Variants in RBFOX1 observed in about 807,000 individuals in gnomAD.
The protein encoded by RBFOX1 is RNA binding fox-1 homolog 1.
RBFOX1 carries 8 observed loss-of-function variants against 57.7 expected under a neutral mutation model. That is an observed-to-expected ratio of 0.14 (90% CI 0.08 to 0.25). The LOEUF is 0.25. Ranked by LOEUF, RBFOX1 falls within the 10% of genes least tolerant of loss-of-function variation. RBFOX1 has a pLI of 1.00. For synonymous variants in RBFOX1, 326 were observed against 222.4 expected, an observed-to-expected ratio of 1.47 and a Z score of -4.15; for missense variants, 611 against 548.5, an observed-to-expected ratio of 1.11 and a Z score of -1.14.
chr16:7,504,149 A>G (rs886995217), intron 4 of RBFOX1, among the ~76,000 whole-genome samples: 7 of 152,180 alleles, frequency 4.6e-5, no homozygotes, highest in African/African-American at 1.7e-4. Flanking sequence ...TCATGGAACC[A>G]TCATGACCTG....
intron 4 of RBFOX1, among the ~76,000 whole-genome samples, chr16:7,388,152 A>T (rs555191490): frequency 2.8e-4 from 42 of 152,302 alleles, no homozygotes; most frequent in African/African-American, 9.9e-4. Context: ...AAATAGCAGG[A>T]AACTGATCTC....
At chr16:7,186,376 A>G (rs62637737) in intron 4 of RBFOX1, among the ~76,000 whole-genome samples, 35 of 49,428 alleles carry the variant, frequency 7.1e-4, no homozygotes, top group African/African-American at 3.6e-3. Context: ...ATAAATATAA[A>G]CATAAACATA....
chr16:5,616,954 C>G (rs990833648), intron 3 of RBFOX1, among the ~76,000 whole-genome samples: 3 of 141,588 alleles, frequency 2.1e-5, no homozygotes, highest in Non-Finnish European at 1.5e-5. Flanking sequence ...TAAATAGATA[C>G]TTATTGGCAG....
intron 2 of RBFOX1, among the ~76,000 whole-genome samples, chr16:6,425,016 A>C (rs1875625397): frequency 6.6e-6 from 1 of 152,364 alleles, no homozygotes; most frequent in Non-Finnish European, 1.5e-5. Flanking sequence ...GATATTGAAG[A>C]TGTGGATGAA....
chr16:6,446,751 TTTTA>T (rs1445665581), intron 2 of RBFOX1, among the ~76,000 whole-genome samples: 2 of 152,196 alleles, frequency 1.3e-5, no homozygotes, highest in Non-Finnish European at 2.9e-5. Flanking sequence ...TTCTAAATCA[TTTTA>T]TTTATTTAGT....
At chr16:7,515,966 T>G (rs1317822268) in intron 4 of RBFOX1, among the ~76,000 whole-genome samples, 1 of 152,122 alleles carries the variant, frequency 6.6e-6, no homozygotes, top group Non-Finnish European at 1.5e-5. Flanking sequence ...TGCCTCAGTC[T>G]CCGGAGTAGC....
intron 4 of RBFOX1, among the ~76,000 whole-genome samples, chr16:7,232,453 G>C (rs2093555226): frequency 6.6e-6 from 1 of 152,104 alleles, no homozygotes; most frequent in Non-Finnish European, 1.5e-5. Context: ...GCAACTATTA[G>C]GTGCTCAATA....
At chr16:5,336,667 T>C (rs1424711272) in intron 1 of RBFOX1, among the ~76,000 whole-genome samples, 2 of 152,140 alleles carry the variant, frequency 1.3e-5, no homozygotes, top group African/African-American at 4.8e-5. Context: ...TGATGACCCA[T>C]TCATGAAGCT....
intron 2 of RBFOX1, among the ~76,000 whole-genome samples, chr16:5,487,300 G>A (rs577105567): frequency 1.3e-4 from 20 of 152,306 alleles, no homozygotes; most frequent in East Asian, 5.8e-4. Context: ...TCTTGAGTTC[G>A]TAGCACAGGG....
At chr16:6,089,022 G>A (rs7197849) in intron 1 of RBFOX1, among the ~76,000 whole-genome samples, 8,898 of 150,826 alleles carry the variant, frequency 0.059, 704 homozygotes, top group African/African-American at 0.19. Flanking sequence ...CTTGAACCCA[G>A]GAGGCGGAGG....
chr16:5,881,956 C>A (rs1423498895), intron 4 of RBFOX1, among the ~76,000 whole-genome samples: 4 of 152,168 alleles, frequency 2.6e-5, no homozygotes, highest in African/African-American at 9.7e-5. Flanking sequence ...GCAGCTACGA[C>A]TTGTTAAGCA....
At chr16:6,622,131 C>T (rs1005900948) in intron 2 of RBFOX1, among the ~76,000 whole-genome samples, 1 of 152,128 alleles carries the variant, frequency 6.6e-6, no homozygotes, top group African/African-American at 2.4e-5. Flanking sequence ...ATATTGTAGG[C>T]ATTCCTTAAG....
intron 1 of RBFOX1, among the ~76,000 whole-genome samples, chr16:6,143,068 A>G (rs1417163454): frequency 3.9e-5 from 6 of 152,210 alleles, no homozygotes; most frequent in African/African-American, 7.2e-5. Flanking sequence ...CATGAAATAA[A>G]TATTTGGGAT....
chr16:7,128,159 T>C (rs1450368011), intron 4 of RBFOX1, among the ~76,000 whole-genome samples: 2 of 152,152 alleles, frequency 1.3e-5, no homozygotes, highest in Admixed American at 1.3e-4. Flanking sequence ...TTCCTAACCA[T>C]TCTGACAAGA....
chr16:5,992,070 G>T (rs2060409686), intron 4 of RBFOX1, among the ~76,000 whole-genome samples: 1 of 152,080 alleles, frequency 6.6e-6, no homozygotes, highest in South Asian at 2.1e-4. Flanking sequence ...AATGTAAGGA[G>T]AGATGAACTG....
At chr16:7,064,717 T>G (rs914393580) in intron 4 of RBFOX1, among the ~76,000 whole-genome samples, 2 of 152,156 alleles carry the variant, frequency 1.3e-5, no homozygotes, top group Non-Finnish European at 2.9e-5. Flanking sequence ...CTAAACCTCG[T>G]GAGAATCAAA....
At chr16:7,673,447 C>T (rs2072241748) in intron 13 of RBFOX1, among the ~76,000 whole-genome samples, 1 of 152,178 alleles carries the variant, frequency 6.6e-6, no homozygotes, top group African/African-American at 2.4e-5. Context: ...TGGCTTACAC[C>T]TGTAATCCCA....
intron 4 of RBFOX1, among the ~76,000 whole-genome samples, chr16:7,372,053 C>T (rs995521602): frequency 6.6e-6 from 1 of 151,990 alleles, no homozygotes; most frequent in Non-Finnish European, 1.5e-5. Context: ...TATATATGGG[C>T]CCTGATTACT....
intron 5 of RBFOX1, among the ~76,000 whole-genome samples, chr16:7,565,656 G>A (rs545754196): frequency 1.3e-5 from 2 of 152,280 alleles, no homozygotes; most frequent in Middle Eastern, 6.8e-3. Flanking sequence ...CTCAACCATC[G>A]CTCACATAAT....
Sources: allele counts gnomAD v4.1 joint callset (sites outside exome capture counted in the v4.1 genomes callset), GRCh38; gene constraint gnomAD v4.1.1; transcripts MANE v1.5; gene names NCBI Gene and HGNC (gene_info 2026-07-23, HGNC 2026-07-21).